The following SIPA1L1 variants were observed in gnomAD, a reference collection of about 807,000 sequenced individuals.
SIPA1L1 encodes signal-induced proliferation-associated 1-like protein 1.
A neutral mutation model predicts 162.7 loss-of-function variants in SIPA1L1; 26 were observed. That is an observed-to-expected ratio of 0.16 (90% CI 0.12 to 0.22). SIPA1L1 has a LOEUF of 0.22. Ranked by LOEUF, SIPA1L1 falls within the 10% of genes least tolerant of loss-of-function variation. SIPA1L1 has a pLI of 1.00. For synonymous variants in SIPA1L1, 829 were observed against 837.4 expected (o/e 0.99, Z 0.17); for missense variants, 1,874 against 2,241.0 (o/e 0.84, Z 3.31).
intron 5 of SIPA1L1, among the ~76,000 whole-genome samples, chr14:71,616,662 G>A (rs1012212841): frequency 3.3e-5 from 5 of 152,136 alleles, no homozygotes; most frequent in Admixed American, 6.5e-5. Context: ...ATGGTGATTA[G>A]GTTTGCATCT....
At chr14:71,612,560 T>C (rs545660558) in intron 5 of SIPA1L1, among the ~76,000 whole-genome samples, 24 of 152,346 alleles carry the variant, frequency 1.6e-4, no homozygotes, top group South Asian at 8.3e-4. Flanking sequence ...GTTCAGATTA[T>C]GCTATAGATG....
intron 4 of SIPA1L1, among the ~76,000 whole-genome samples, chr14:71,572,698 T>G (rs1046354602): frequency 6.6e-6 from 1 of 152,214 alleles, no homozygotes; most frequent in Non-Finnish European, 1.5e-5. Flanking sequence ...CTGTTGTTTT[T>G]GACTGTGTGG....
chr14:71,625,336 T>C (rs2148624336), intron 7 of SIPA1L1, among the ~76,000 whole-genome samples: 2 of 151,782 alleles, frequency 1.3e-5, no homozygotes, highest in Middle Eastern at 6.8e-3. Flanking sequence ...AGTTTCACTC[T>C]GTCACCCAGG....
chr14:71,367,396 T>A (rs571151938), intron 2 of SIPA1L1, among the ~76,000 whole-genome samples: 1 of 148,894 alleles, frequency 6.7e-6, no homozygotes, highest in East Asian at 2.0e-4. Context: ...AAACTCCGCC[T>A]CCCGGGTTTC....
intron 2 of SIPA1L1, among the ~76,000 whole-genome samples, chr14:71,409,034 G>A (rs571633428): frequency 2.0e-5 from 3 of 152,282 alleles, no homozygotes; most frequent in African/African-American, 7.2e-5. Context: ...AAGCTACTGT[G>A]TGTTCCCCCG....
At chr14:71,562,757 A>C (rs1369429906) in intron 4 of SIPA1L1, among the ~76,000 whole-genome samples, 1 of 152,110 alleles carries the variant, frequency 6.6e-6, no homozygotes, top group Non-Finnish European at 1.5e-5. Flanking sequence ...GGGTTCAAGC[A>C]ATTCTCCTGC....
chr14:71,547,557 G>A (rs1438982495), intron 4 of SIPA1L1, among the ~76,000 whole-genome samples: 1 of 152,156 alleles, frequency 6.6e-6, no homozygotes, highest in Non-Finnish European at 1.5e-5. Context: ...GCCTCCCAAA[G>A]TGCTGGGATT....
At chr14:71,535,867 C>T (rs1340063619) in intron 4 of SIPA1L1, among the ~76,000 whole-genome samples, 1 of 152,054 alleles carries the variant, frequency 6.6e-6, no homozygotes, top group African/African-American at 2.4e-5. Context: ...ATCTGGGCCT[C>T]GCAAAATGCA....
chr14:71,455,289 A>G (rs2046109456), intron 2 of SIPA1L1, among the ~76,000 whole-genome samples: 1 of 152,200 alleles, frequency 6.6e-6, no homozygotes, highest in African/African-American at 2.4e-5. Flanking sequence ...TTGTTTGATC[A>G]AGTGAATGGC....
At position 71,724,563 on chromosome 14, in the gene SIPA1L1, A is replaced by G. The variant is rs914249724; in HGVS notation, c.4449-107A>G. 35 of 823,338 alleles carry G rather than the reference A, an allele frequency of 4.3e-5. No homozygotes were observed. In the African/African-American group the frequency reaches 5.9e-4, roughly 14 times the overall value. 51.0% of individuals were successfully genotyped at this position (823,338 alleles called of 1,614,324 possible). A position where few individuals can be genotyped will look rare whatever the true frequency, so the allele number is the denominator to read the frequency against. Reference sequence around the variant, plus strand: ...GAAGTAATTATCTGTTTCTCCACATAATATTTCTCTATTGACTTATATTGA... The same window carrying G: ...GAAGTAATTATCTGTTTCTCCACATGATATTTCTCTATTGACTTATATTGA... On this transcript the variant is annotated intron_variant, in intron 18 of 23. Coordinates refer to ENST00000381232, the MANE Select transcript of SIPA1L1 (RefSeq NM_001386936.1).
intron 5 of SIPA1L1, among the ~76,000 whole-genome samples, chr14:71,600,670 T>C (rs960936619): frequency 3.9e-5 from 6 of 152,234 alleles, no homozygotes; most frequent in African/African-American, 1.4e-4. Flanking sequence ...GCACTGAATC[T>C]GTAAAATGTT....
intron 5 of SIPA1L1, chr14:71,598,365 G>C (rs929344009): frequency 3.3e-6 from 1 of 305,780 alleles, no homozygotes; most frequent in Admixed American, 6.5e-5. Flanking sequence ...AACTACAGGA[G>C]GAAAGATAGT....
intron 7 of SIPA1L1, among the ~76,000 whole-genome samples, chr14:71,642,368 A>G (rs1447202716): frequency 6.6e-6 from 1 of 152,158 alleles, no homozygotes; most frequent in Non-Finnish European, 1.5e-5. Context: ...ATCAGGGAGG[A>G]GAGAGCCGTA....
chr14:71,675,317 C>T (rs1367569376), intron 12 of SIPA1L1, among the ~76,000 whole-genome samples: 4 of 152,154 alleles, frequency 2.6e-5, no homozygotes, highest in East Asian at 1.9e-4. Flanking sequence ...CTGCACAGCC[C>T]CACCAGCCTG....
chr14:71,369,783 C>A (rs1038559171), intron 2 of SIPA1L1, among the ~76,000 whole-genome samples: 1 of 148,392 alleles, frequency 6.7e-6, no homozygotes, highest in East Asian at 2.0e-4. Flanking sequence ...ATTGATTCTT[C>A]CTATCCATGA....
At chr14:71,416,720 TACAC>T (rs3085177) in intron 2 of SIPA1L1, among the ~76,000 whole-genome samples, 5,479 of 147,802 alleles carry the variant, frequency 0.037, 108 homozygotes, top group African/African-American at 0.05. Context: ...AAGAAAAATC[TACAC>T]ACACACACAC....
At chr14:71,687,123 T>C (rs181852957) in intron 13 of SIPA1L1, among the ~76,000 whole-genome samples, 2 of 152,354 alleles carry the variant, frequency 1.3e-5, no homozygotes, top group East Asian at 3.9e-4. Context: ...AGACAAACAA[T>C]TTAATTAAAA....
At chr14:71,430,259 G>A (rs1279965402) in intron 2 of SIPA1L1, among the ~76,000 whole-genome samples, 1 of 150,094 alleles carries the variant, frequency 6.7e-6, no homozygotes, top group East Asian at 1.9e-4. Flanking sequence ...CTTTTTTTTT[G>A]CATGGTTGTC....
At chr14:71,545,583 G>A (rs2055115542) in intron 4 of SIPA1L1, among the ~76,000 whole-genome samples, 1 of 151,474 alleles carries the variant, frequency 6.6e-6, no homozygotes. Context: ...TAATTTGTGT[G>A]TGTGTGTGTG....
Sources: gnomAD v4.1 joint callset for allele counts (sites outside exome capture counted in the v4.1 genomes callset) on GRCh38, gnomAD v4.1.1 for gene constraint, MANE v1.5 for transcripts, NCBI Gene and HGNC (gene_info 2026-07-23, HGNC 2026-07-21) for gene names.